SUGCT: variants seen among roughly 807,000 people sequenced by gnomAD.
The protein encoded by SUGCT is succinyl-CoA:glutarate CoA-transferase.
In SUGCT, 41 loss-of-function variants were observed where a neutral mutation model predicts 55.0. The observed-to-expected ratio is 0.74, with a 90% CI of 0.58 to 0.97. The LOEUF (loss-of-function observed/expected upper bound fraction) is 0.97. Ranked by LOEUF, SUGCT falls within the 50% of genes least tolerant of loss-of-function variation. The probability of loss-of-function intolerance (pLI) is 0.00; values close to 1 mark genes in which losing one functional copy is unlikely to be tolerated. For synonymous variants in SUGCT, 187 were observed against 200.4 expected, an observed-to-expected ratio of 0.93 and a Z score of 0.56; for missense variants, 568 against 547.8, an observed-to-expected ratio of 1.04 and a Z score of -0.37.
Position 40,723,848 on chromosome 7 carries a change from A to G in SUGCT, c.1090-25586A>G, listed in dbSNP as rs1423610797. 2.6e-5 allele frequency among the ~76,000 whole-genome samples: 4 copies of G among 152,212 alleles called. No individual in the cohort carries two copies. The South Asian group carries it at 6.2e-4, about 24-fold the overall frequency. ...TGCTTACTGTCTGCATCTTCATAAT[A>G]TGGGATCTCGTTCACCTCTATCACC... On this transcript the variant is annotated intron_variant, in intron 12 of 13. Coordinates refer to ENST00000335693, the MANE Select transcript of SUGCT (RefSeq NM_001193313.2).
chr7:40,752,716 GA>G (rs1271927550), intron 13 of SUGCT, among the ~76,000 whole-genome samples: 3 of 152,110 alleles, frequency 2.0e-5, no homozygotes, highest in Non-Finnish European at 4.4e-5. Flanking sequence ...CTTTCTGAGA[GA>G]AATTTCAAAG....
At chr7:40,910,055 A>AGCTGCT in the SUGCT span, among the ~76,000 whole-genome samples, 1 of 151,982 alleles carries the variant, frequency 6.6e-6, no homozygotes, top group East Asian at 1.9e-4. Context: ...AATCCAATCC[A>AGCTGCT]GCTGCTCTTG....
At chr7:40,316,690 A>T (rs758338541) in intron 8 of SUGCT, 70 bp from the exon 9 acceptor site, 15 of 1,008,354 alleles carry the variant, frequency 1.5e-5, no homozygotes, top group Non-Finnish European at 1.9e-5. Context: ...CTTTCATAAT[A>T]TAACGTTCTC....
At chr7:40,875,459 T>G in the SUGCT span, among the ~76,000 whole-genome samples, 4 of 152,292 alleles carry the variant, frequency 2.6e-5, no homozygotes, top group East Asian at 7.7e-4. Flanking sequence ...GGCCATATCT[T>G]CCATTCCAGG....
chr7:40,278,908 C>T (rs891458421), intron 8 of SUGCT, among the ~76,000 whole-genome samples: 2 of 151,550 alleles, frequency 1.3e-5, no homozygotes, highest in Non-Finnish European at 2.9e-5. Context: ...CTCACTGAAA[C>T]CTCGAACTCC....
chr7:40,911,591 C>T, the SUGCT span, among the ~76,000 whole-genome samples: 4 of 149,768 alleles, frequency 2.7e-5, no homozygotes, highest in African/African-American at 9.9e-5. Flanking sequence ...AAAAGTCTCT[C>T]AACTTTGGCA....
At chr7:40,824,751 C>T (rs1394426118) in intron 13 of SUGCT, among the ~76,000 whole-genome samples, 1 of 152,144 alleles carries the variant, frequency 6.6e-6, no homozygotes, top group Non-Finnish European at 1.5e-5. Context: ...GTTCTGTCAT[C>T]CCATAGTGGA....
chr7:40,898,720 C>T, the SUGCT span, among the ~76,000 whole-genome samples: 1 of 151,950 alleles, frequency 6.6e-6, no homozygotes, highest in African/African-American at 2.4e-5. Flanking sequence ...TGAACACTTA[C>T]CACGAGGGTA....
intron 12 of SUGCT, among the ~76,000 whole-genome samples, chr7:40,681,439 G>C (rs780669138): frequency 1.3e-5 from 2 of 152,090 alleles, no homozygotes; most frequent in African/African-American, 4.8e-5. Flanking sequence ...AGAGTGGCAC[G>C]CTTTGTTATA....
the SUGCT span, among the ~76,000 whole-genome samples, chr7:40,959,490 G>C: frequency 1.5e-3 from 222 of 152,262 alleles, 2 homozygotes; most frequent in African/African-American, 5.1e-3. Context: ...ACCTACTCAA[G>C]CCTCAGTAAT....
intron 6 of SUGCT, among the ~76,000 whole-genome samples, chr7:40,216,255 A>G (rs1392668696): frequency 6.6e-6 from 1 of 152,046 alleles, no homozygotes; most frequent in Non-Finnish European, 1.5e-5. Context: ...TAATCCCAGC[A>G]CTTTGGGAGG....
In SUGCT at chr7:40,316,816, A is replaced by AC; in HGVS notation, c.778dup (p.Arg260ProfsTer16). On this transcript the variant is annotated frameshift_variant, in exon 9 of 14. Transcript: ENST00000335693. LOFTEE classifies it high-confidence loss of function. ...ATCTTATTGGTCAAAAGGAAGCAAAACGTTGGGGTACAGCTCATGGCAGTA... is the reference window on the plus strand; with the variant it reads ...ATCTTATTGGTCAAAAGGAAGCAAAACCGTTGGGGTACAGCTCATGGCAGTA... The AC allele has an allele frequency of 6.2e-7, 1 of 1,601,730 alleles. No individual in the cohort carries two copies.
the SUGCT span, among the ~76,000 whole-genome samples, chr7:41,007,823 C>CA: frequency 0.34 from 35,486 of 104,214 alleles, 6,430 homozygotes; most frequent in South Asian, 0.43. Context: ...AACTGAAATC[C>CA]AAAAAAAAAA....
intron 9 of SUGCT, among the ~76,000 whole-genome samples, chr7:40,409,398 T>G (rs1019664869): frequency 6.6e-6 from 1 of 152,126 alleles, no homozygotes; most frequent in Non-Finnish European, 1.5e-5. Context: ...AAGTAGGGAC[T>G]ACAGGTGTGC....
chr7:41,013,708 T>C, the SUGCT span, among the ~76,000 whole-genome samples: 20 of 152,250 alleles, frequency 1.3e-4, no homozygotes, highest in East Asian at 1.7e-3. Context: ...GGTTACCTCA[T>C]AAAGTTTTGA....
intron 13 of SUGCT, among the ~76,000 whole-genome samples, chr7:40,759,913 A>C (rs1788449813): frequency 1.3e-5 from 2 of 152,022 alleles, no homozygotes. Flanking sequence ...GCCATCAGAA[A>C]ATGTATTGTT....
chr7:40,658,403 ATAT>A (rs1351531310), intron 12 of SUGCT, among the ~76,000 whole-genome samples: 11 of 152,090 alleles, frequency 7.2e-5, no homozygotes, highest in Admixed American at 6.6e-4. Context: ...ATGAGACCTA[ATAT>A]TATTATAATC....
the SUGCT span, among the ~76,000 whole-genome samples, chr7:40,975,484 C>A: frequency 2.0e-5 from 3 of 152,192 alleles, no homozygotes; most frequent in Admixed American, 2.0e-4. Flanking sequence ...GGAGCTTAAA[C>A]CAATAGTTGT....
rs1338885686 is a variant in SUGCT, at chr7:40,847,407, C to CTTTTTTTTTTTTTTTTTTTT, written c.1154-12906_1154-12905insTTTTTTTTTTTTTTTTTTTT. On this transcript the variant is annotated intron_variant, in intron 13 of 13. Transcript: ENST00000335693. ...GATGACATATACATTTCTTTTCTTT[C>CTTTTTTTTTTTTTTTTTTTT]TTTCTTTTTTTTTTTTTTTTTTTTT... Among the ~76,000 whole-genome samples, 14 of 117,884 alleles carry CTTTTTTTTTTTTTTTTTTTT rather than the reference C, an allele frequency of 1.2e-4. 1 individual carries two copies. The highest frequency in any genetic ancestry group is 9.6e-4 in the Admixed American group (10 of 10,470). The allele number at this position is 117,884 out of a possible 152,430, so 77.3% of individuals were successfully genotyped here.
Sources: gnomAD v4.1 joint callset for allele counts (sites outside exome capture counted in the v4.1 genomes callset) on GRCh38, gnomAD v4.1.1 for gene constraint, MANE v1.5 for transcripts, NCBI Gene and HGNC (gene_info 2026-07-23, HGNC 2026-07-21) for gene names.